VAV2: variants seen among roughly 807,000 people sequenced by gnomAD.
VAV2 encodes the protein vav guanine nucleotide exchange factor 2.
A neutral mutation model predicts 132.5 loss-of-function variants in VAV2; 67 were observed. The observed-to-expected ratio is 0.51, with a 90% CI of 0.42 to 0.62. VAV2 has a LOEUF of 0.62. Ranked by LOEUF, VAV2 falls within the 20% of genes least tolerant of loss-of-function variation. The pLI is 0.00. For synonymous variants in VAV2, 492 were observed against 443.5 expected, an observed-to-expected ratio of 1.11 and a Z score of -1.37; for missense variants, 938 against 1,153.6, an observed-to-expected ratio of 0.81 and a Z score of 2.71.
rs886169249 is a variant in VAV2, at chr9:133,821,090, G to A, written c.450-8874C>T. ...GTCTGCAAGTGGCTCTGGAATCTCCGTGGCACAATTACATCACTCTCCTGT... is the reference window on the plus strand; with the variant it reads ...GTCTGCAAGTGGCTCTGGAATCTCCATGGCACAATTACATCACTCTCCTGT... On this transcript the variant is annotated intron_variant, in intron 4 of 29. Transcript: ENST00000371850. Among the ~76,000 whole-genome samples, 10 of 152,312 alleles carry A rather than the reference G, an allele frequency of 6.6e-5. No individual in the cohort carries two copies. The South Asian group carries it at 1.0e-3, about 16-fold the overall frequency.
intron 25 of VAV2, among the ~76,000 whole-genome samples, chr9:133,774,294 C>A (rs775801885): frequency 6.6e-6 from 1 of 152,184 alleles, no homozygotes; most frequent in Non-Finnish European, 1.5e-5. Flanking sequence ...AGCTCCTGGT[C>A]GGCAAGGCCC....
Position 133,857,806 on chromosome 9 carries a change from C to A in VAV2, c.380+3568G>T, listed in dbSNP as rs760901062. Among the ~76,000 whole-genome samples, 2 of 152,116 alleles carry A rather than the reference C, an allele frequency of 1.3e-5. No homozygotes were observed. The highest frequency in any genetic ancestry group is 2.1e-4 in the South Asian group (1 of 4,824). ...GAGCGTGTGAACCAGTGGAGGTCTG[C>A]GCTCAACCCCAAGGGCTGCAGAGGG... On this transcript the variant is annotated intron_variant, in intron 3 of 29. Transcript: ENST00000371850. The surrounding 1 kb of genome is among the most constrained non-coding windows in gnomAD (Gnocchi z 4.0).
chr9:133,827,490 T>C (rs370202189), intron 4 of VAV2, among the ~76,000 whole-genome samples: 149 of 246 alleles, frequency 0.61, 69 homozygotes, highest in Non-Finnish European at 0.69. Flanking sequence ...GACCACTGAG[T>C]GGGGGCATCG....
At chr9:133,792,213 C>A in intron 12 of VAV2, among the ~76,000 whole-genome samples, 1 of 119,440 alleles carries the variant, frequency 8.4e-6, no homozygotes, top group African/African-American at 3.3e-5. Flanking sequence ...TGTGTGTGAG[C>A]TGGTTGTGCT....
intron 3 of VAV2, chr9:133,861,131 C>T (rs145479567): frequency 2.9e-4 from 133 of 460,596 alleles, no homozygotes; most frequent in African/African-American, 1.5e-3. Flanking sequence ...TTACCTAAAT[C>T]GAAAGAGATT....
chr9:133,866,978 G>C (rs1475477969), intron 2 of VAV2, among the ~76,000 whole-genome samples: 1 of 152,106 alleles, frequency 6.6e-6, no homozygotes, highest in East Asian at 1.9e-4. Context: ...CTCGGAGCTG[G>C]GGCAAACTCT....
chr9:133,916,786 TG>T (rs796840270), intron 2 of VAV2, among the ~76,000 whole-genome samples: 26 of 123,330 alleles, frequency 2.1e-4, no homozygotes, highest in African/African-American at 6.9e-4. Context: ...AAGTACCTTC[TG>T]AATGCAGATG....
At chr9:133,835,891 G>A (rs976009778) in intron 3 of VAV2, among the ~76,000 whole-genome samples, 2 of 152,204 alleles carry the variant, frequency 1.3e-5, no homozygotes, top group African/African-American at 4.8e-5. Context: ...GTAAAAGCCC[G>A]TGTCCAAGGG....
At chr9:133,811,646 A>G (rs1835362162) in intron 5 of VAV2, among the ~76,000 whole-genome samples, 1 of 152,232 alleles carries the variant, frequency 6.6e-6, no homozygotes, top group Admixed American at 6.5e-5. Context: ...CTCCAAACAT[A>G]AAAGACGCAC....
chr9:133,777,559 T>C (rs1833860679), intron 22 of VAV2, 96 bp from the exon 23 acceptor site: 1 of 1,210,394 alleles, frequency 8.3e-7, no homozygotes, highest in Non-Finnish European at 1.2e-6. Flanking sequence ...CCAATCCCGC[T>C]CCTGGAGGGT....
rs149228289 is a variant in VAV2, at chr9:133,924,012, G to A, written c.321+15091C>T. ...GTCGGGGGGTGGGGGACTAGGGGAGGGAGAGCATTAGGAGAAATATCTCAT... is the reference window on the plus strand; with the variant it reads ...GTCGGGGGGTGGGGGACTAGGGGAGAGAGAGCATTAGGAGAAATATCTCAT... On this transcript the variant is annotated intron_variant, in intron 2 of 29. Transcript: ENST00000371850. 9.5e-3 allele frequency among the ~76,000 whole-genome samples: 1,445 copies of A among 151,988 alleles called. 15 individuals carry two copies. Among genetic ancestry groups the A allele is most frequent in the African/African-American group, 0.032 (1,339 of 41,412 alleles).
intron 1 of VAV2, among the ~76,000 whole-genome samples, chr9:133,983,924 C>G (rs1422696441): frequency 2.6e-5 from 4 of 152,112 alleles, no homozygotes; most frequent in Admixed American, 2.6e-4. Flanking sequence ...TTCCTAATCT[C>G]CCTCCCTGCA....
At chr9:133,874,920 G>A (rs1166156778) in intron 2 of VAV2, among the ~76,000 whole-genome samples, 2 of 152,156 alleles carry the variant, frequency 1.3e-5, no homozygotes, top group African/African-American at 2.4e-5. Context: ...GAGGCCTTGG[G>A]GGAAACATGC....
intron 1 of VAV2, among the ~76,000 whole-genome samples, chr9:133,971,145 A>G (rs1842320317): frequency 6.6e-6 from 1 of 152,188 alleles, no homozygotes; most frequent in Admixed American, 6.5e-5. Context: ...CCCCCAACGA[A>G]GTCAGGCAGA....
Position 133,771,515 on chromosome 9 carries a change from G to A in VAV2, c.2223+444C>T, listed in dbSNP as rs549515926. On this transcript the variant is annotated intron_variant, in intron 26 of 29. Coordinates refer to ENST00000371850, the MANE Select transcript of VAV2 (RefSeq NM_001134398.2). The stretch of plus-strand genomic sequence containing the variant: ...GGCATAACTTTAAAATCATTTCAAG[G>A]ACTATGCCTCTAACTGCATTCTGGC... Among the ~76,000 whole-genome samples, 24 of 152,336 alleles carry A rather than the reference G, an allele frequency of 1.6e-4. 1 individual carries two copies. Among genetic ancestry groups the A allele is most frequent in the Middle Eastern group, 6.8e-3 (2 of 294 alleles).
At chr9:133,805,948 G>T in intron 9 of VAV2, 133 bp downstream of exon 9, 2 of 947,968 alleles carry the variant, frequency 2.1e-6, no homozygotes, top group Non-Finnish European at 3.1e-6. Context: ...CAACAAGGGA[G>T]GACGGGGTCC....
At chr9:133,771,904 A>G (rs112734792) in intron 26 of VAV2, 55 bp downstream of exon 26, 2 of 1,507,340 alleles carry the variant, frequency 1.3e-6, no homozygotes, top group Non-Finnish European at 1.8e-6. Context: ...GCCGGGAGGA[A>G]GCACCTGTCC....
At chr9:133,938,923 T>G (rs1841027370) in intron 2 of VAV2, among the ~76,000 whole-genome samples, 180 bp downstream of exon 2, 1 of 152,226 alleles carries the variant, frequency 6.6e-6, no homozygotes, top group Non-Finnish European at 1.5e-5. Context: ...AAATCTGGCT[T>G]TCACACCTTC....
At chr9:133,867,893 G>T (rs934999356) in intron 2 of VAV2, among the ~76,000 whole-genome samples, 8 of 152,218 alleles carry the variant, frequency 5.3e-5, no homozygotes, top group Admixed American at 3.9e-4. Context: ...GCAGCCTCCA[G>T]CATCGTTTCC....
Sources: gnomAD v4.1 joint callset for allele counts (sites outside exome capture counted in the v4.1 genomes callset) on GRCh38, gnomAD v4.1.1 for gene constraint, Gnocchi (gnomAD v3.1) non-coding constraint, MANE v1.5 for transcripts, NCBI Gene and HGNC (gene_info 2026-07-23, HGNC 2026-07-21) for gene names.